TMEM132C: variants seen among roughly 807,000 people sequenced by gnomAD.
The protein encoded by TMEM132C is protein phosphatase 1, regulatory subunit 152.
In TMEM132C, 29 loss-of-function variants were observed where a neutral mutation model predicts 61.4. The observed-to-expected ratio is 0.47, with a 90% confidence interval of 0.35 to 0.64. The LOEUF (loss-of-function observed/expected upper bound fraction) is 0.64, where lower values mean the gene tolerates loss of function less well. Ranked by LOEUF, TMEM132C falls within the 30% of genes least tolerant of loss-of-function variation. The probability of loss-of-function intolerance (pLI) is 0.00; values close to 1 mark genes in which losing one functional copy is unlikely to be tolerated. For missense variants in TMEM132C, 1,408 were observed against 1,476.9 expected (o/e 0.95, Z 0.76); for synonymous variants, 656 against 633.1 (o/e 1.04, Z -0.54).
At chr12:128,649,833 C>CT (rs1566002935) in intron 4 of TMEM132C, among the ~76,000 whole-genome samples, 1 of 152,152 alleles carries the variant, frequency 6.6e-6, no homozygotes, top group Admixed American at 6.5e-5. Flanking sequence ...GAATTGCTTT[C>CT]TTTTTTAAAT....
chr12:128,525,810 A>AG (rs1410779765), intron 2 of TMEM132C, among the ~76,000 whole-genome samples: 1 of 152,206 alleles, frequency 6.6e-6, no homozygotes, highest in Non-Finnish European at 1.5e-5. Context: ...CCTTGGGTGC[A>AG]GCAGTGCAAT....
chr12:128,678,085 A>C (rs1254355654), intron 5 of TMEM132C, among the ~76,000 whole-genome samples: 1 of 152,218 alleles, frequency 6.6e-6, no homozygotes, highest in Non-Finnish European at 1.5e-5. Context: ...TTTTTAGGGT[A>C]TCTACAGGAT....
At chr12:128,429,455 T>C (rs1485890001) in intron 2 of TMEM132C, among the ~76,000 whole-genome samples, 1 of 152,190 alleles carries the variant, frequency 6.6e-6, no homozygotes, top group African/African-American at 2.4e-5. Context: ...TGCTTCTCTG[T>C]GGATCACGAA....
intron 4 of TMEM132C, among the ~76,000 whole-genome samples, chr12:128,650,605 T>C (rs1333216859): frequency 6.6e-6 from 1 of 152,054 alleles, no homozygotes; most frequent in Non-Finnish European, 1.5e-5. Context: ...AGTGCATGCC[T>C]GCAGTCCCAG....
At chr12:128,495,591 C>A (rs989156263) in intron 2 of TMEM132C, among the ~76,000 whole-genome samples, 1 of 152,114 alleles carries the variant, frequency 6.6e-6, no homozygotes, top group Admixed American at 6.6e-5. Context: ...ATGTAATGGC[C>A]TTCTTTGTCT....
intron 4 of TMEM132C, among the ~76,000 whole-genome samples, chr12:128,619,551 C>T (rs1229630122): frequency 6.6e-6 from 1 of 152,226 alleles, no homozygotes; most frequent in African/African-American, 2.4e-5. Context: ...GCTCGTCCTG[C>T]CTCCAGGCTT....
intron 4 of TMEM132C, among the ~76,000 whole-genome samples, chr12:128,622,360 A>ATATATATAT (rs1555237029): frequency 3.3e-5 from 1 of 30,118 alleles, no homozygotes; most frequent in Non-Finnish European, 5.5e-5. Flanking sequence ...AAAAAAAAAA[A>ATATATATAT]ATATATATAT....
At position 128,381,313 on chromosome 12, in the gene TMEM132C, G is replaced by A. The variant is rs564583184; in HGVS notation, c.86-33419G>A. ...AATACAGAATCCCACAAATGATGGG[G>A]CTTGACTGTGAATCCATCTGGTGGA... On this transcript the variant is annotated intron_variant, in intron 1 of 8. Transcript: ENST00000435159. 7.2e-5 allele frequency among the ~76,000 whole-genome samples: 11 copies of A among 152,282 alleles called. No homozygotes were observed. In the South Asian group the frequency reaches 2.1e-3, roughly 29 times the overall value.
At chr12:128,429,990 C>T (rs149403829) in intron 2 of TMEM132C, among the ~76,000 whole-genome samples, 112 of 152,172 alleles carry the variant, frequency 7.4e-4, no homozygotes, top group African/African-American at 2.4e-3. Flanking sequence ...CTGCACATCA[C>T]GGTGGATGGG....
At position 128,329,287 on chromosome 12, in the gene TMEM132C, A is replaced by AAT. The variant is rs140504524; in HGVS notation, c.85+61812_85+61813dup. 3.7e-4 allele frequency among the ~76,000 whole-genome samples: 57 copies of AAT among 152,030 alleles called. No individual in the cohort carries two copies. In the East Asian group the frequency reaches 4.8e-3, roughly 13 times the overall value. On this transcript the variant is annotated intron_variant, in intron 1 of 8. Transcript: ENST00000435159. ...TTGGATTTTTTTTCTTTCTGTTTAAAATATATATATATACTTTTATGACTC... is the reference window on the plus strand; with the variant it reads ...TTGGATTTTTTTTCTTTCTGTTTAAAATATATATATATATACTTTTATGACTC...
At chr12:128,306,108 CT>C (rs1359426481) in intron 1 of TMEM132C, among the ~76,000 whole-genome samples, 2 of 152,088 alleles carry the variant, frequency 1.3e-5, no homozygotes, top group African/African-American at 4.8e-5. Context: ...GCAGATTTTT[CT>C]TCCCAAGAAA....
At chr12:128,276,463 C>T (rs1870693011) in intron 1 of TMEM132C, among the ~76,000 whole-genome samples, 1 of 152,180 alleles carries the variant, frequency 6.6e-6, no homozygotes, top group Non-Finnish European at 1.5e-5. Flanking sequence ...TGAGACATCC[C>T]TTGACCACTT....
chr12:128,418,409 A>C (rs1868858293), intron 2 of TMEM132C, among the ~76,000 whole-genome samples: 1 of 152,224 alleles, frequency 6.6e-6, no homozygotes, highest in African/African-American at 2.4e-5. Context: ...GGCAGGCAAC[A>C]GTGTGGCAAA....
intron 4 of TMEM132C, among the ~76,000 whole-genome samples, chr12:128,628,201 G>A (rs931743376): frequency 6.6e-6 from 1 of 152,084 alleles, no homozygotes. Context: ...TGACCCCTGG[G>A]AGCCCCTTCC....
intron 1 of TMEM132C, among the ~76,000 whole-genome samples, chr12:128,362,479 A>G (rs1233077750): frequency 1.3e-5 from 2 of 152,154 alleles, no homozygotes; most frequent in East Asian, 3.8e-4. Context: ...ATAGGATGAG[A>G]GTCTTGTTCA....
intron 3 of TMEM132C, among the ~76,000 whole-genome samples, chr12:128,565,833 G>T (rs1322774715): frequency 6.9e-6 from 1 of 144,352 alleles, no homozygotes; most frequent in African/African-American, 2.6e-5. Context: ...TGACTCTTAA[G>T]AACTGCATGA....
chr12:128,575,873 G>A (rs1398081148), intron 3 of TMEM132C, among the ~76,000 whole-genome samples: 1 of 152,144 alleles, frequency 6.6e-6, no homozygotes, highest in Non-Finnish European at 1.5e-5. Context: ...GGTCCACTTC[G>A]AAGCCTGTCA....
chr12:128,651,163 C>T (rs769262844), intron 4 of TMEM132C, among the ~76,000 whole-genome samples: 15 of 152,216 alleles, frequency 9.9e-5, no homozygotes, highest in South Asian at 2.1e-4. Flanking sequence ...GGGGTAACAA[C>T]TCCTGGATCT....
At chr12:128,430,436 T>A (rs879749425) in intron 2 of TMEM132C, among the ~76,000 whole-genome samples, 1 of 152,126 alleles carries the variant, frequency 6.6e-6, no homozygotes, top group Non-Finnish European at 1.5e-5. Flanking sequence ...TAATGAGAAC[T>A]TAACTGGAAC....
Sources: gnomAD v4.1 joint callset for allele counts (sites outside exome capture counted in the v4.1 genomes callset) on GRCh38, gnomAD v4.1.1 for gene constraint, MANE v1.5 for transcripts, NCBI Gene and HGNC (gene_info 2026-07-23, HGNC 2026-07-21) for gene names.